Variants in ZNF143 observed in about 807,000 individuals in gnomAD.
The protein encoded by ZNF143 is SPH-binding factor.
In ZNF143, 49 loss-of-function variants were observed where a neutral mutation model predicts 74.1. The ratio of observed to expected loss-of-function variants is 0.66; its 90% CI spans 0.53 to 0.84. The LOEUF is 0.84. Among genes scored for constraint, ZNF143 ranks in the 40% least tolerant of loss-of-function variants. The probability of loss-of-function intolerance (pLI) is 0.00; values close to 1 mark genes in which losing one functional copy is unlikely to be tolerated. For synonymous variants in ZNF143, 304 were observed against 282.8 expected, an observed-to-expected ratio of 1.07 and a Z score of -0.75; for missense variants, 637 against 793.4, an observed-to-expected ratio of 0.80 and a Z score of 2.37.
intron 7 of ZNF143, among the ~76,000 whole-genome samples, chr11:9,484,466 C>G (rs370892551): frequency 6.6e-6 from 1 of 151,232 alleles, no homozygotes; most frequent in African/African-American, 2.5e-5. Flanking sequence ...CCACCTGCCT[C>G]GGCCTCCCAA....
chr11:9,512,547 C>T lies in ZNF143; in HGVS notation c.1475C>T (p.Ser492Phe). Residue 492 changes from serine (S) to phenylalanine (F), a missense_variant, in exon 13 of 16, where the codon TCT (serine) becomes TTT (phenylalanine). Ser to Phe is a radical substitution (Grantham distance 155). Transcript: ENST00000396602. ...ACACAAGTAGCCACAGTAACCCAATCTGGACTGAGTCAACAAGTTACACTC... is the reference window on the plus strand; with the variant it reads ...ACACAAGTAGCCACAGTAACCCAATTTGGACTGAGTCAACAAGTTACACTC... ...VSTQVATVTQ[S>F]GLSQQVTLIS... 1 of 1,614,220 alleles carries T rather than the reference C, an allele frequency of 6.2e-7. No individual in the cohort carries two copies. The highest frequency in any genetic ancestry group is 8.5e-7 in the Non-Finnish European group (1 of 1,180,044).
intron 5 of ZNF143, among the ~76,000 whole-genome samples, chr11:9,475,973 A>G (rs1220798338): frequency 1.3e-5 from 2 of 150,784 alleles, no homozygotes; most frequent in African/African-American, 2.5e-5. Context: ...TTTTAAAGCA[A>G]GGTCCTTTGC....
At chr11:9,518,520 G>A (rs1242790150) in intron 14 of ZNF143, among the ~76,000 whole-genome samples, 5 of 152,098 alleles carry the variant, frequency 3.3e-5, no homozygotes, top group Admixed American at 6.6e-5. Context: ...CAAGACCAGC[G>A]TGGCCAAACA....
intron 1 of ZNF143, among the ~76,000 whole-genome samples, chr11:9,464,494 G>C (rs956124478): frequency 2.8e-4 from 42 of 151,920 alleles, no homozygotes; most frequent in African/African-American, 8.9e-4. Flanking sequence ...CCAGCTACTC[G>C]GGAGGCTGAG....
intron 2 of ZNF143, among the ~76,000 whole-genome samples, chr11:9,471,676 C>T (rs916441285): frequency 5.3e-5 from 8 of 151,718 alleles, no homozygotes; most frequent in Non-Finnish European, 1.0e-4. Context: ...CCTCAGCCTC[C>T]CGAGTAGCTG....
chr11:9,492,116 T>C (rs1202202076), intron 7 of ZNF143, among the ~76,000 whole-genome samples: 1 of 147,762 alleles, frequency 6.8e-6, no homozygotes, highest in African/African-American at 2.5e-5. Flanking sequence ...TTTTTTTTTT[T>C]TTTTTTTTTT....
chr11:9,474,164 A>G, intron 4 of ZNF143, 140 bp downstream of exon 4: 1 of 708,328 alleles, frequency 1.4e-6, no homozygotes, highest in South Asian at 1.7e-5. Flanking sequence ...TAGATGCCAC[A>G]GAGTGGATCT....
intron 1 of ZNF143, among the ~76,000 whole-genome samples, chr11:9,470,769 A>G (rs1191224686): frequency 6.6e-6 from 1 of 152,150 alleles, no homozygotes; most frequent in African/African-American, 2.4e-5. Context: ...TTTCCCTTCA[A>G]AGGACACTGA....
chr11:9,500,783 CT>C (rs1402219289), intron 10 of ZNF143, among the ~76,000 whole-genome samples: 3 of 152,100 alleles, frequency 2.0e-5, no homozygotes, highest in African/African-American at 7.2e-5. Flanking sequence ...CTGTACTTTT[CT>C]TTTATATTTC....
chr11:9,522,667 T>C (rs982578299), intron 14 of ZNF143, among the ~76,000 whole-genome samples: 2 of 150,870 alleles, frequency 1.3e-5, no homozygotes, highest in African/African-American at 2.5e-5. Context: ...CTAATTTTTG[T>C]AATTTTAGTA....
In ZNF143 at chr11:9,508,622, AAAAGCCATATGTTTGT is replaced by A; in HGVS notation, c.1153_1168del (p.Lys385GlnfsTer87). 6.2e-7 allele frequency: 1 copy of A among 1,609,936 alleles called. No individual in the cohort carries two copies. Among genetic ancestry groups the A allele is most frequent in the East Asian group, 2.2e-5 (1 of 44,878 alleles). Reference sequence around the variant, plus strand: ...TTTTTTTGGTGTTGCTCTTTAGGAGAAAAGCCATATGTTTGTACAGTTCCTGGGTGTGACAAAAGGT... The same window carrying A: ...TTTTTTTGGTGTTGCTCTTTAGGAGAACAGTTCCTGGGTGTGACAAAAGGT... On this transcript the variant is annotated frameshift_variant, in exon 12 of 16. Coordinates refer to ENST00000396602, the MANE Select transcript of ZNF143 (RefSeq NM_003442.6). LOFTEE classifies it high-confidence loss of function.
intron 1 of ZNF143, among the ~76,000 whole-genome samples, chr11:9,469,607 C>T (rs929578608): frequency 1.3e-5 from 2 of 152,082 alleles, no homozygotes; most frequent in African/African-American, 2.4e-5. Context: ...AAGGAAATGA[C>T]GTTTCAGCTT....
chr11:9,479,619 A>T, intron 7 of ZNF143, 73 bp downstream of exon 7: 1 of 1,229,662 alleles, frequency 8.1e-7, no homozygotes. Context: ...GAAAGCAAGA[A>T]TAGGTAACTC....
intron 5 of ZNF143, among the ~76,000 whole-genome samples, chr11:9,475,920 G>GTA (rs1281203930): frequency 8.4e-6 from 1 of 118,632 alleles, no homozygotes; most frequent in Admixed American, 7.8e-5. Context: ...ATGTGTGTGT[G>GTA]TGTGTGTGTG....
intron 1 of ZNF143, among the ~76,000 whole-genome samples, chr11:9,467,195 CTA>C (rs1856286118): frequency 6.8e-6 from 1 of 147,902 alleles, no homozygotes; most frequent in Non-Finnish European, 1.5e-5. Context: ...CCCTGGCCAA[CTA>C]TGTGTAATAC....
chr11:9,469,959 A>G (rs2133850185), intron 1 of ZNF143, among the ~76,000 whole-genome samples: 1 of 152,346 alleles, frequency 6.6e-6, no homozygotes, highest in African/African-American at 2.4e-5. Flanking sequence ...AAATTCTTCA[A>G]GCAATCCTAA....
chr11:9,517,204 A>T (rs1848754511), intron 14 of ZNF143, among the ~76,000 whole-genome samples: 1 of 151,696 alleles, frequency 6.6e-6, no homozygotes, highest in Non-Finnish European at 1.5e-5. Flanking sequence ...TTTTTTTTTT[A>T]ATGATAGTAA....
intron 7 of ZNF143, among the ~76,000 whole-genome samples, chr11:9,483,015 A>T (rs1201426765): frequency 6.6e-6 from 1 of 150,938 alleles, no homozygotes; most frequent in Non-Finnish European, 1.5e-5. Flanking sequence ...GTATTTTGAG[A>T]TGGAGTCTTA....
At chr11:9,462,048 A>G (rs777061405) in intron 1 of ZNF143, 6 of 152,248 alleles carry the variant, frequency 3.9e-5, no homozygotes, top group African/African-American at 4.8e-5. Flanking sequence ...ACGGTGCAGT[A>G]TTTAATGTTT....
Sources: gnomAD v4.1 joint callset for allele counts (sites outside exome capture counted in the v4.1 genomes callset) on GRCh38, gnomAD v4.1.1 for gene constraint, MANE v1.5 for transcripts, NCBI Gene and HGNC (gene_info 2026-07-23, HGNC 2026-07-21) for gene names.